The following ATXN1 variants were observed in gnomAD, a reference collection of about 807,000 sequenced individuals.
The protein encoded by ATXN1 is ataxin 1.
A neutral mutation model predicts 56.4 loss-of-function variants in ATXN1; 8 were observed. That is an observed-to-expected ratio of 0.14 (90% CI 0.08 to 0.26). ATXN1 has a LOEUF of 0.26. Ranked by LOEUF, ATXN1 falls within the 10% of genes least tolerant of loss-of-function variation. The pLI, the probability that ATXN1 is intolerant of heterozygous loss-of-function variation, is 1.00. For synonymous variants in ATXN1, 514 were observed against 494.6 expected, an observed-to-expected ratio of 1.04 and a Z score of -0.52; for missense variants, 987 against 1,106.5, an observed-to-expected ratio of 0.89 and a Z score of 1.53.
At chr6:16,427,198 G>A (rs1275530537) in intron 6 of ATXN1, among the ~76,000 whole-genome samples, 1 of 152,128 alleles carries the variant, frequency 6.6e-6, no homozygotes, top group Non-Finnish European at 1.5e-5. Flanking sequence ...GTAAACCAGG[G>A]TTTCTCAGCC....
chr6:16,514,783 A>T (rs1761147865), intron 5 of ATXN1, among the ~76,000 whole-genome samples: 1 of 151,978 alleles, frequency 6.6e-6, no homozygotes, highest in Non-Finnish European at 1.5e-5. Context: ...AGAGATCGAG[A>T]CCAGCCTGGC....
chr6:16,599,085 C>G (rs142351745), intron 3 of ATXN1, among the ~76,000 whole-genome samples: 52 of 152,350 alleles, frequency 3.4e-4, no homozygotes, highest in Non-Finnish European at 5.9e-4. Flanking sequence ...GATTTGGAGA[C>G]TTTCCTGCCA....
At chr6:16,484,065 A>T (rs545287669) in intron 6 of ATXN1, among the ~76,000 whole-genome samples, 2 of 152,316 alleles carry the variant, frequency 1.3e-5, no homozygotes, top group South Asian at 4.1e-4. Flanking sequence ...TTTTAAAAAA[A>T]TAAGTAAAAT....
chr6:16,575,571 G>A (rs1762406682), intron 4 of ATXN1, among the ~76,000 whole-genome samples: 1 of 152,206 alleles, frequency 6.6e-6, no homozygotes, highest in Non-Finnish European at 1.5e-5. Flanking sequence ...TGTCCCTCAT[G>A]TCTTAAGACA....
chr6:16,492,407 T>C (rs974212600), intron 5 of ATXN1, among the ~76,000 whole-genome samples: 1 of 151,522 alleles, frequency 6.6e-6, no homozygotes, highest in African/African-American at 2.4e-5. Flanking sequence ...ACATGTACCC[T>C]AAAACCTAAA....
chr6:16,745,860 C>CT lies in ATXN1; in HGVS notation c.-615+7372dup, dbSNP rs931250981. Among the ~76,000 whole-genome samples the CT allele has an allele frequency of 5.9e-5, 9 of 152,198 alleles. No homozygotes were observed. The East Asian group carries it at 1.7e-3, about 29-fold the overall frequency. ...GCTGCTCTGAGAAGCTCCTCCTACC[C>CT]TGACTATACCTCAAATGCAGCACTT... On this transcript the variant is annotated intron_variant, in intron 2 of 7. Coordinates refer to ENST00000436367, the MANE Select transcript of ATXN1 (RefSeq NM_001128164.2).
chr6:16,514,847 G>A (rs1162053088), intron 5 of ATXN1, among the ~76,000 whole-genome samples: 10 of 152,100 alleles, frequency 6.6e-5, no homozygotes, highest in African/African-American at 2.2e-4. Context: ...GCCAGGCGTG[G>A]TGGTGGGAGG....
intron 3 of ATXN1, among the ~76,000 whole-genome samples, chr6:16,650,804 T>C (rs1763879291): frequency 6.6e-6 from 1 of 152,204 alleles, no homozygotes; most frequent in East Asian, 1.9e-4. Flanking sequence ...TGTACCTCAC[T>C]TCTGTTTTCT....
At chr6:16,477,959 C>T (rs1344177843) in intron 6 of ATXN1, among the ~76,000 whole-genome samples, 6 of 152,306 alleles carry the variant, frequency 3.9e-5, no homozygotes, top group South Asian at 2.1e-4. Context: ...ACTGCCAACT[C>T]CCTTCTGACC....
At chr6:16,519,137 C>T (rs1459933453) in intron 5 of ATXN1, among the ~76,000 whole-genome samples, 1 of 152,050 alleles carries the variant, frequency 6.6e-6, no homozygotes, top group East Asian at 1.9e-4. Context: ...CAGTTGTGAG[C>T]ATTAGAGAAA....
chr6:16,336,257 C>T (rs1350496357), intron 6 of ATXN1, among the ~76,000 whole-genome samples: 1 of 152,206 alleles, frequency 6.6e-6, no homozygotes, highest in Non-Finnish European at 1.5e-5. Flanking sequence ...GGGTTACACT[C>T]ACCTCCTGGC....
intron 6 of ATXN1, among the ~76,000 whole-genome samples, chr6:16,369,346 C>T (rs1036972104): frequency 6.6e-5 from 10 of 152,196 alleles, no homozygotes; most frequent in South Asian, 2.1e-4. Context: ...TTCCCTCCTT[C>T]GTACCTCCAC....
intron 3 of ATXN1, among the ~76,000 whole-genome samples, chr6:16,610,682 AT>A (rs1234010991): frequency 6.6e-6 from 1 of 152,132 alleles, no homozygotes; most frequent in African/African-American, 2.4e-5. Flanking sequence ...CAAAAATTTA[AT>A]TTTAAACAAT....
rs114513901 is a variant in ATXN1 at position 16,350,412 on chromosome 6, T to C, written c.-160-21942A>G. On this transcript the variant is annotated intron_variant, in intron 6 of 7. Transcript: ENST00000436367. ...TGTGAGGAATTTCCACTTGGATGCT[T>C]ACCACCCCTCTCAAATCAGCATGCA... 8.0e-3 allele frequency among the ~76,000 whole-genome samples: 1,223 copies of C among 152,334 alleles called. 5 individuals are homozygous for C. Among genetic ancestry groups the C allele is most frequent in the Admixed American group, 0.011 (161 of 15,296 alleles).
intron 2 of ATXN1, among the ~76,000 whole-genome samples, chr6:16,684,523 A>AAG (rs1166591723): frequency 6.6e-6 from 1 of 152,084 alleles, no homozygotes; most frequent in African/African-American, 2.4e-5. Flanking sequence ...GGGTTTTCTG[A>AAG]AGCCACATTT....
At chr6:16,515,638 A>G (rs980935228) in intron 5 of ATXN1, among the ~76,000 whole-genome samples, 2 of 152,154 alleles carry the variant, frequency 1.3e-5, no homozygotes, top group African/African-American at 4.8e-5. Context: ...TGAGCTGTCC[A>G]TTCTCCGTGT....
In ATXN1 at chr6:16,593,314, C is replaced by T. The variant is rs184846507; in HGVS notation, c.-488-7407G>A. ...GACCTTCTAATTACTCCTGTGTGAT[C>T]TCAAGCCCCCTCCCTGGGGACTATG... On this transcript the variant is annotated intron_variant, in intron 3 of 7. Coordinates refer to ENST00000436367, the MANE Select transcript of ATXN1 (RefSeq NM_001128164.2). Among the ~76,000 whole-genome samples the T allele has an allele frequency of 1.5e-3, 223 of 152,268 alleles. 1 individual carries two copies. Among genetic ancestry groups the T allele is most frequent in the Non-Finnish European group, 2.6e-3 (177 of 68,018 alleles).
At position 16,756,482 on chromosome 6, in the gene ATXN1, C is replaced by T. The variant is rs533469336; in HGVS notation, c.-729-3135G>A. 8.1e-4 allele frequency among the ~76,000 whole-genome samples: 123 copies of T among 152,264 alleles called. No homozygotes were observed. In the Middle Eastern group the frequency reaches 0.014, roughly 17 times the overall value. On this transcript the variant is annotated intron_variant, in intron 1 of 7. Coordinates refer to ENST00000436367, the MANE Select transcript of ATXN1 (RefSeq NM_001128164.2). ...CTATTACCATTTCTACAATGTATTG[C>T]TTTCAATGCTTTTATCAAAATAAGG...
chr6:16,582,635 T>C (rs1762550420), intron 4 of ATXN1, among the ~76,000 whole-genome samples: 4 of 152,198 alleles, frequency 2.6e-5, no homozygotes, highest in Admixed American at 2.0e-4. Context: ...GTGCAGTATA[T>C]GGAAACAACC....
Sources: allele counts gnomAD v4.1 joint callset (sites outside exome capture counted in the v4.1 genomes callset), GRCh38; gene constraint gnomAD v4.1.1; transcripts MANE v1.5; gene names NCBI Gene and HGNC (gene_info 2026-07-23, HGNC 2026-07-21).